Variants in TBC1D9 observed in about 807,000 individuals in gnomAD.
TBC1D9 encodes TBC1 domain family member 9A.
In TBC1D9, 63 loss-of-function variants were observed where a neutral mutation model predicts 132.0. The ratio of observed to expected loss-of-function variants is 0.48; its 90% CI spans 0.39 to 0.59. The LOEUF is 0.59. TBC1D9 is among the 20% of genes least tolerant of loss of function. The probability of loss-of-function intolerance (pLI) is 0.00; values close to 1 mark genes in which losing one functional copy is unlikely to be tolerated. For synonymous variants in TBC1D9, 610 were observed against 609.9 expected (o/e 1.00, Z 0.00); for missense variants, 1,261 against 1,592.7 (o/e 0.79, Z 3.54).
chr4:140,676,310 T>A (rs1737623449), intron 6 of TBC1D9, among the ~76,000 whole-genome samples: 3 of 152,204 alleles, frequency 2.0e-5, no homozygotes, highest in Admixed American at 2.0e-4. Flanking sequence ...GCTATTTCAA[T>A]AGCACTCATC....
At chr4:140,701,981 C>T (rs142739296) in intron 1 of TBC1D9, among the ~76,000 whole-genome samples, 93 of 152,276 alleles carry the variant, frequency 6.1e-4, no homozygotes, top group African/African-American at 2.0e-3. Context: ...AAGACAGCAT[C>T]CCCAGGGCAT....
chr4:140,732,078 G>A lies in TBC1D9; in HGVS notation c.130+23838C>T, dbSNP rs111624963. ...CCCACATAGGCCCTACTCAGGTAACGGCTCAGAAGTCAGGCTCTTAACCAT... is the reference window on the plus strand; with the variant it reads ...CCCACATAGGCCCTACTCAGGTAACAGCTCAGAAGTCAGGCTCTTAACCAT... On this transcript the variant is annotated intron_variant, in intron 1 of 20. Transcript: ENST00000442267. Among the ~76,000 whole-genome samples the A allele has an allele frequency of 8.8e-3, 1,347 of 152,282 alleles. 20 individuals carry two copies. The highest frequency in any genetic ancestry group is 0.03 in the African/African-American group (1,266 of 41,544).
At chr4:140,744,020 C>T (rs1269202042) in intron 1 of TBC1D9, among the ~76,000 whole-genome samples, 4 of 152,068 alleles carry the variant, frequency 2.6e-5, no homozygotes, top group Non-Finnish European at 4.4e-5. Flanking sequence ...GCATTCATTC[C>T]CACGGTTTCT....
chr4:140,696,532 C>T (rs184886162), intron 2 of TBC1D9, among the ~76,000 whole-genome samples: 5 of 151,318 alleles, frequency 3.3e-5, no homozygotes, highest in Admixed American at 1.3e-4. Context: ...CTCTTGGTAC[C>T]TCCACCCCGC....
At chr4:140,631,428 AG>A (rs1736794067) in intron 16 of TBC1D9, among the ~76,000 whole-genome samples, 1 of 151,936 alleles carries the variant, frequency 6.6e-6, no homozygotes. Flanking sequence ...TCACCGTGTT[AG>A]CCAGGATGGT....
At position 140,669,821 on chromosome 4, in the gene TBC1D9, G is replaced by A; in HGVS notation, c.1267-17C>T. 6.3e-7 allele frequency: 1 copy of A among 1,598,590 alleles called. No individual in the cohort carries two copies. Among genetic ancestry groups the A allele is most frequent in the Non-Finnish European group, 8.6e-7 (1 of 1,167,514 alleles). On this transcript the variant is annotated splice_polypyrimidine_tract_variant and intron_variant, in intron 7 of 20. Transcript: ENST00000442267. The stretch of plus-strand genomic sequence containing the variant: ...AGAGTACACCTGTCAATACAGAGAG[G>A]AACAAGACATTGGGAGGACACGGGC...
intron 13 of TBC1D9, among the ~76,000 whole-genome samples, chr4:140,639,668 T>C (rs941931498): frequency 6.6e-6 from 1 of 152,230 alleles, no homozygotes; most frequent in African/African-American, 2.4e-5. Flanking sequence ...GTATTTTCCT[T>C]AAGTCATCAA....
intron 1 of TBC1D9, among the ~76,000 whole-genome samples, chr4:140,702,471 G>T (rs981172214): frequency 2.0e-5 from 3 of 152,218 alleles, no homozygotes; most frequent in African/African-American, 7.2e-5. Flanking sequence ...AAGGTGGAAG[G>T]TGCCTCTAAG....
intron 1 of TBC1D9, among the ~76,000 whole-genome samples, chr4:140,754,336 G>A (rs549270658): frequency 3.9e-5 from 6 of 152,258 alleles, no homozygotes; most frequent in African/African-American, 1.2e-4. Context: ...TACATGGGCC[G>A]GGTGAGGTGG....
intron 3 of TBC1D9, among the ~76,000 whole-genome samples, chr4:140,684,045 A>G (rs1446809754): frequency 6.6e-6 from 1 of 152,222 alleles, no homozygotes; most frequent in African/African-American, 2.4e-5. Context: ...GATACTGGTC[A>G]AGAAAAAAAG....
intron 1 of TBC1D9, among the ~76,000 whole-genome samples, chr4:140,739,522 T>A (rs1738726608): frequency 6.6e-6 from 1 of 152,220 alleles, no homozygotes; most frequent in Non-Finnish European, 1.5e-5. Flanking sequence ...TAAAGGGGAA[T>A]AATATCTAAC....
chr4:140,666,094 T>C (rs1052184689), intron 9 of TBC1D9, among the ~76,000 whole-genome samples: 5 of 152,184 alleles, frequency 3.3e-5, no homozygotes, highest in Admixed American at 2.6e-4. Flanking sequence ...GAGTATAGTA[T>C]GTCCATACAA....
At chr4:140,728,692 T>C (rs2111065133) in intron 1 of TBC1D9, among the ~76,000 whole-genome samples, 1 of 152,146 alleles carries the variant, frequency 6.6e-6, no homozygotes, top group African/African-American at 2.4e-5. Context: ...AGAAGGAGAC[T>C]GGCTCTGTCG....
chr4:140,719,966 T>C (rs1184187355), intron 1 of TBC1D9, among the ~76,000 whole-genome samples: 2 of 152,218 alleles, frequency 1.3e-5, no homozygotes, highest in African/African-American at 2.4e-5. Context: ...GGGCAAGCTA[T>C]ATAACTGATA....
At chr4:140,755,864 G>GCGC in intron 1 of TBC1D9, 52 bp downstream of exon 1, 2 of 1,488,254 alleles carry the variant, frequency 1.3e-6, no homozygotes, top group Non-Finnish European at 8.9e-7. Flanking sequence ...GCCGCGGGCG[G>GCGC]CGCCGCAGCG....
chr4:140,681,409 T>C (rs936776694), intron 3 of TBC1D9, among the ~76,000 whole-genome samples: 3 of 152,238 alleles, frequency 2.0e-5, no homozygotes, highest in Non-Finnish European at 4.4e-5. Flanking sequence ...TTTCACCCTG[T>C]TGCCGGTAGT....
At chr4:140,747,568 T>A (rs1388016777) in intron 1 of TBC1D9, among the ~76,000 whole-genome samples, 1 of 151,872 alleles carries the variant, frequency 6.6e-6, no homozygotes, top group Non-Finnish European at 1.5e-5. Flanking sequence ...TTTCAAAATA[T>A]CAAAAAATAA....
intron 1 of TBC1D9, among the ~76,000 whole-genome samples, chr4:140,754,378 C>G (rs1256162658): frequency 2.0e-5 from 3 of 151,976 alleles, no homozygotes; most frequent in African/African-American, 7.3e-5. Flanking sequence ...CTTCGGGAGG[C>G]CAAAGTGGGC....
At chr4:140,716,846 A>C (rs530366359) in intron 1 of TBC1D9, among the ~76,000 whole-genome samples, 210 of 151,302 alleles carry the variant, frequency 1.4e-3, no homozygotes, top group Non-Finnish European at 2.5e-3. Flanking sequence ...TCACACACAC[A>C]CCCACACCCT....
Sources: allele counts gnomAD v4.1 joint callset (sites outside exome capture counted in the v4.1 genomes callset), GRCh38; gene constraint gnomAD v4.1.1; transcripts MANE v1.5; gene names NCBI Gene and HGNC (gene_info 2026-07-23, HGNC 2026-07-21).